ZNF407: variants seen among roughly 807,000 people sequenced by gnomAD.
The protein encoded by ZNF407 is zinc finger protein 407.
Under a neutral mutation model 131.2 loss-of-function variants are expected in ZNF407, and 17 were observed. That is an observed-to-expected ratio of 0.13 (90% CI 0.09 to 0.19). The LOEUF (loss-of-function observed/expected upper bound fraction) is 0.19, where lower values mean the gene tolerates loss of function less well. Ranked by LOEUF, ZNF407 falls within the 10% of genes least tolerant of loss-of-function variation. ZNF407 has a pLI of 1.00. For synonymous variants in ZNF407, 1,156 were observed against 1,062.0 expected (o/e 1.09, Z -1.72); for missense variants, 2,681 against 2,830.6 (o/e 0.95, Z 1.20).
chr18:74,837,941 A>G (rs1433347636), intron 4 of ZNF407, among the ~76,000 whole-genome samples: 2 of 152,212 alleles, frequency 1.3e-5, no homozygotes, highest in Non-Finnish European at 2.9e-5. Flanking sequence ...GGCGTGACCC[A>G]CTGCGTCTGG....
At chr18:74,612,627 A>C (rs1983113289) in intron 1 of ZNF407, among the ~76,000 whole-genome samples, 3 of 152,190 alleles carry the variant, frequency 2.0e-5, no homozygotes, top group African/African-American at 7.2e-5. Context: ...ATTAATACTT[A>C]CTGAGCACCT....
chr18:74,804,538 A>G (rs1453003884), intron 4 of ZNF407: 10 of 987,150 alleles, frequency 1.0e-5, no homozygotes, highest in Non-Finnish European at 1.2e-5. Flanking sequence ...GGCTAAATAC[A>G]TTGCTTTGTT....
chr18:75,032,571 G>C (rs573442617), intron 8 of ZNF407, among the ~76,000 whole-genome samples: 63 of 152,304 alleles, frequency 4.1e-4, no homozygotes, highest in African/African-American at 1.4e-3. Context: ...CTGGCTGCAC[G>C]ATCAGAGTTT....
At chr18:74,778,994 A>T (rs1371422311) in intron 3 of ZNF407, among the ~76,000 whole-genome samples, 1 of 147,776 alleles carries the variant, frequency 6.8e-6, no homozygotes, top group African/African-American at 2.5e-5. Context: ...GTAATGTTAC[A>T]GTGTTAGTGT....
chr18:74,633,062 A>G lies in ZNF407; in HGVS notation c.2043A>G (p.Ala681=). The G allele has an allele frequency of 1.2e-6, 2 of 1,613,996 alleles. No homozygotes were observed. Among genetic ancestry groups the G allele is most frequent in the Admixed American group, 1.7e-5 (1 of 60,028 alleles). The change falls in exon 2 of 9, where the codon GCA becomes GCG. Residue 681 remains alanine, a synonymous_variant. Transcript: ENST00000299687. Reference sequence around the variant, plus strand: ...AGTCTATGGATGACTCAGGAAAAGCATCTCAGGAAGAACCTCTGAAGTCCA... The same window carrying G: ...AGTCTATGGATGACTCAGGAAAAGCGTCTCAGGAAGAACCTCTGAAGTCCA... ...AKESMDDSGK[A]SQEEPLKSRV...
intron 3 of ZNF407, among the ~76,000 whole-genome samples, chr18:74,676,627 G>C (rs567565269): frequency 9.2e-5 from 14 of 151,866 alleles, no homozygotes; most frequent in East Asian, 3.9e-4. Context: ...GTAGAGACGG[G>C]GTTTCACCGT....
intron 8 of ZNF407, among the ~76,000 whole-genome samples, chr18:74,999,348 T>TAAAAAAAAAAAA (rs71170334): frequency 1.7e-5 from 1 of 60,484 alleles, no homozygotes; most frequent in Non-Finnish European, 3.6e-5. Flanking sequence ...TAGAGTATAA[T>TAAAAAAAAAAAA]AAAAAAAAAA....
chr18:74,635,028 T>C lies in ZNF407; in HGVS notation c.4009T>C (p.Tyr1337His). ...TAGCACAGTTGAAAGTAGTGATGTCTATGAAACTATAATTAGTATTGATGA... is the reference window on the plus strand; with the variant it reads ...TAGCACAGTTGAAAGTAGTGATGTCCATGAAACTATAATTAGTATTGATGA... ...SDSTVESSDV[Y>H]ETIISIDDKG... Residue 1337 changes from tyrosine to histidine, a missense_variant, in exon 2 of 9, where the codon TAT becomes CAT. By Grantham distance (83) the Tyr-to-His change is moderately conservative. Coordinates refer to ENST00000299687, the MANE Select transcript of ZNF407 (RefSeq NM_017757.3). The surrounding 1 kb of genome is among the most constrained non-coding windows in gnomAD (Gnocchi z 4.7). 1 of 1,614,010 alleles carries C rather than the reference T, an allele frequency of 6.2e-7. No homozygotes were observed. Among genetic ancestry groups the C allele is most frequent in the South Asian group, 1.1e-5 (1 of 91,084 alleles).
At chr18:74,937,683 C>T (rs4132456) in intron 8 of ZNF407, among the ~76,000 whole-genome samples, 1 of 152,116 alleles carries the variant, frequency 6.6e-6, no homozygotes, top group Non-Finnish European at 1.5e-5. Context: ...TGTATGAAAA[C>T]TCACTTTAAA....
intron 4 of ZNF407, among the ~76,000 whole-genome samples, chr18:74,822,545 T>C (rs1970355130): frequency 6.6e-6 from 1 of 152,234 alleles, no homozygotes; most frequent in African/African-American, 2.4e-5. Context: ...TGCTTGTTTT[T>C]GTCAGGTTTG....
intron 1 of ZNF407, among the ~76,000 whole-genome samples, chr18:74,622,227 T>A (rs528515157): frequency 6.6e-6 from 1 of 152,206 alleles, no homozygotes; most frequent in African/African-American, 2.4e-5. Flanking sequence ...CTACAACTAA[T>A]ACTAAGCTGC....
At chr18:75,010,966 A>G (rs1031072486) in intron 8 of ZNF407, among the ~76,000 whole-genome samples, 2 of 152,168 alleles carry the variant, frequency 1.3e-5, no homozygotes, top group Admixed American at 1.3e-4. Flanking sequence ...GGCATCTCCA[A>G]ATGGCCCACA....
chr18:74,975,618 G>C (rs1555705545), intron 8 of ZNF407, among the ~76,000 whole-genome samples: 1 of 152,032 alleles, frequency 6.6e-6, no homozygotes, highest in Non-Finnish European at 1.5e-5. Flanking sequence ...TAGGTCTAGG[G>C]AAAAAATAGC....
At chr18:74,672,198 C>A (rs1986166654) in intron 3 of ZNF407, among the ~76,000 whole-genome samples, 1 of 152,226 alleles carries the variant, frequency 6.6e-6, no homozygotes, top group South Asian at 2.1e-4. Context: ...TTTTTCTCTG[C>A]AACCTCCCCA....
Position 74,632,548 on chromosome 18 carries a change from A to G in ZNF407, c.1529A>G (p.Asp510Gly). 1 of 1,613,948 alleles carries G rather than the reference A, an allele frequency of 6.2e-7. No homozygotes were observed. Among genetic ancestry groups the G allele is most frequent in the South Asian group, 1.1e-5 (1 of 91,080 alleles). The change falls in exon 2 of 9, where the codon GAC (aspartate) becomes GGC (glycine). Residue 510 changes from aspartate (D) to glycine (G), a missense_variant. Asp to Gly is a moderately conservative substitution (Grantham distance 94). Transcript: ENST00000299687. ...EQGQGSARPP[D>G]SGLHSLTVKP... ...GGCCAGGGGAGTGCCCGTCCTCCGG[A>G]CTCCGGGCTGCATTCCCTGACAGTG...
At chr18:75,013,264 G>C (rs1202085463) in intron 8 of ZNF407, among the ~76,000 whole-genome samples, 1 of 152,106 alleles carries the variant, frequency 6.6e-6, no homozygotes, top group Admixed American at 6.6e-5. Flanking sequence ...AGGTTTGAGA[G>C]AAACTCGTTT....
chr18:74,621,217 T>C (rs1983496353), intron 1 of ZNF407, among the ~76,000 whole-genome samples: 1 of 152,168 alleles, frequency 6.6e-6, no homozygotes, highest in Admixed American at 6.5e-5. Flanking sequence ...AACTATATCA[T>C]TTGTAAAATG....
rs1269135150 is a variant in ZNF407, at chr18:74,721,090, T to A, written c.4803-60338T>A. Among the ~76,000 whole-genome samples the A allele has an allele frequency of 2.0e-5, 3 of 152,134 alleles. No individual in the cohort carries two copies. In the South Asian group the frequency reaches 6.2e-4, roughly 31 times the overall value. On this transcript the variant is annotated intron_variant, in intron 3 of 8. Coordinates refer to ENST00000299687, the MANE Select transcript of ZNF407 (RefSeq NM_017757.3). Reference sequence around the variant, plus strand: ...ATCTGTACATTTGCTTTGGGTAGTATTGTCATTTAAACAATATTCTTATGA... The same window carrying A: ...ATCTGTACATTTGCTTTGGGTAGTAATGTCATTTAAACAATATTCTTATGA...
intron 3 of ZNF407, among the ~76,000 whole-genome samples, chr18:74,738,025 A>G (rs1425741701): frequency 1.3e-5 from 2 of 152,142 alleles, no homozygotes; most frequent in African/African-American, 4.8e-5. Context: ...TTAGAGTACA[A>G]TATAAAAAGA....
Sources: gnomAD v4.1 joint callset for allele counts (sites outside exome capture counted in the v4.1 genomes callset) on GRCh38, gnomAD v4.1.1 for gene constraint, Gnocchi (gnomAD v3.1) non-coding constraint, MANE v1.5 for transcripts, NCBI Gene and HGNC (gene_info 2026-07-23, HGNC 2026-07-21) for gene names.